TNRC6A: variants seen among roughly 807,000 people sequenced by gnomAD.
The protein encoded by TNRC6A is trinucleotide repeat-containing gene 6A protein.
Under a neutral mutation model 221.2 loss-of-function variants are expected in TNRC6A, and 44 were observed. That is an observed-to-expected ratio of 0.20 (90% CI 0.16 to 0.26). TNRC6A has a LOEUF of 0.26. Ranked by LOEUF, TNRC6A falls within the 10% of genes least tolerant of loss-of-function variation. The probability of loss-of-function intolerance (pLI) is 1.00; values close to 1 mark genes in which losing one functional copy is unlikely to be tolerated. For synonymous variants in TNRC6A, 847 were observed against 838.5 expected, an observed-to-expected ratio of 1.01 and a Z score of -0.18; for missense variants, 2,199 against 2,404.4, an observed-to-expected ratio of 0.91 and a Z score of 1.79.
rs1298229224 is a variant in TNRC6A, at chr16:24,789,552, G to A, written c.910G>A (p.Val304Met). Residue 304 changes from valine to methionine, a missense_variant, in exon 6 of 25, where the codon GTG becomes ATG. Val to Met is a conservative substitution (Grantham distance 21). Transcript: ENST00000395799. ...KFVVGSSSNNVGHGSSTGPWG... is the reference protein window; with the variant it reads ...KFVVGSSSNNMGHGSSTGPWG... Reference sequence around the variant, plus strand: ...TGTAGTTGGTAGCAGCAGCAATAATGTGGGCCATGGAAGTAGTACTGGGCC... The same window carrying A: ...TGTAGTTGGTAGCAGCAGCAATAATATGGGCCATGGAAGTAGTACTGGGCC... 1.9e-6 allele frequency: 3 copies of A among 1,614,152 alleles called. No homozygotes were observed. Among genetic ancestry groups the A allele is most frequent in the Admixed American group, 1.7e-5 (1 of 60,026 alleles).
chr16:24,804,559 T>TA, intron 12 of TNRC6A, 146 bp from the exon 13 acceptor site: 1 of 1,295,750 alleles, frequency 7.7e-7, no homozygotes, highest in Non-Finnish European at 1.1e-6. Flanking sequence ...GCTCTAGAAT[T>TA]AACACTAATC....
intron 4 of TNRC6A, among the ~76,000 whole-genome samples, chr16:24,762,330 ATT>A (rs2057381702): frequency 6.6e-6 from 1 of 152,192 alleles, no homozygotes; most frequent in Non-Finnish European, 1.5e-5. Context: ...TTCACTATCT[ATT>A]AAGTCAGCTG....
At chr16:24,775,874 C>A (rs6497755) in intron 4 of TNRC6A, among the ~76,000 whole-genome samples, 91,205 of 152,010 alleles carry the variant, frequency 0.6, 27,712 homozygotes, top group African/African-American at 0.69. Context: ...GGATACATTA[C>A]AGCATTTCAT....
intron 2 of TNRC6A, among the ~76,000 whole-genome samples, chr16:24,709,010 A>G (rs1267449174): frequency 6.6e-6 from 1 of 152,164 alleles, no homozygotes; most frequent in East Asian, 1.9e-4. Flanking sequence ...TAATCCCAGC[A>G]CTTTGGGAGG....
intron 4 of TNRC6A, among the ~76,000 whole-genome samples, chr16:24,771,809 T>C (rs1169132461): frequency 6.6e-6 from 1 of 152,176 alleles, no homozygotes; most frequent in Non-Finnish European, 1.5e-5. Context: ...GCTGTTATAC[T>C]ATAGGACCTT....
At chr16:24,711,043 T>C (rs941854706) in intron 2 of TNRC6A, among the ~76,000 whole-genome samples, 7 of 136,098 alleles carry the variant, frequency 5.1e-5, no homozygotes, top group African/African-American at 1.8e-4. Context: ...ACCGGGCAAA[T>C]TTTTTGTATT....
intron 4 of TNRC6A, among the ~76,000 whole-genome samples, chr16:24,772,529 G>T (rs2057633426): frequency 1.3e-5 from 2 of 151,746 alleles, no homozygotes; most frequent in African/African-American, 4.8e-5. Context: ...ATGTGCAGTG[G>T]CTCCCAGCAC....
intron 1 of TNRC6A, among the ~76,000 whole-genome samples, chr16:24,618,645 T>G (rs1900503267): frequency 9.7e-6 from 1 of 102,906 alleles, no homozygotes; most frequent in South Asian, 2.6e-4. Flanking sequence ...TTCATGAATT[T>G]TTTTTTTTTT....
chr16:24,780,671 T>C (rs966611618), intron 5 of TNRC6A, among the ~76,000 whole-genome samples: 4 of 152,220 alleles, frequency 2.6e-5, no homozygotes, highest in African/African-American at 9.7e-5. Flanking sequence ...GCGAGTTTTT[T>C]CTGCCATATT....
At chr16:24,740,257 TA>T (rs925577832) in intron 2 of TNRC6A, among the ~76,000 whole-genome samples, 2 of 152,028 alleles carry the variant, frequency 1.3e-5, no homozygotes, top group Admixed American at 6.6e-5. Flanking sequence ...GACTAATTAT[TA>T]AAAAAAAATT....
chr16:24,749,024 G>T (rs1390246130), intron 2 of TNRC6A, among the ~76,000 whole-genome samples: 1 of 152,042 alleles, frequency 6.6e-6, no homozygotes, highest in Non-Finnish European at 1.5e-5. Flanking sequence ...ACAGGTGCCC[G>T]CCACCACGCC....
chr16:24,803,758 A>G (rs1323687909), intron 11 of TNRC6A: 1 of 156,406 alleles, frequency 6.4e-6, no homozygotes, highest in Non-Finnish European at 1.4e-5. Context: ...AAAAATAGTC[A>G]GGTGTAGTGG....
At position 24,805,038 on chromosome 16, in the gene TNRC6A, G is replaced by A; in HGVS notation, c.4009G>A (p.Val1337Ile). The A allele has an allele frequency of 3.1e-6, 5 of 1,614,180 alleles. No homozygotes were observed. Among genetic ancestry groups the A allele is most frequent in the South Asian group, 1.1e-5 (1 of 91,086 alleles). ...GAATGGCAATCCCAGTATGTTTGGTGTTGGAAACACAGCAGCACAACCCCG... is the reference window on the plus strand; with the variant it reads ...GAATGGCAATCCCAGTATGTTTGGTATTGGAAACACAGCAGCACAACCCCG... Reference protein sequence around the residue: ...RQNGNPSMFGVGNTAAQPRGM... With the variant: ...RQNGNPSMFGIGNTAAQPRGM... Residue 1337 changes from valine (V) to isoleucine (I), a missense_variant, in exon 14 of 25, where the codon GTT (valine) becomes ATT (isoleucine). Coordinates refer to ENST00000395799, the MANE Select transcript of TNRC6A (RefSeq NM_014494.4).
In TNRC6A at chr16:24,823,339, T is replaced by A; in HGVS notation, c.5514-93T>A. On this transcript the variant is annotated intron_variant, in intron 24 of 24. Transcript: ENST00000395799. The surrounding 1 kb of genome is among the most constrained non-coding windows in gnomAD (Gnocchi z 4.3). ...TCTCCCTCTGTGCCTTCTGTGGCTTTTCTAGCAGAGACAAGTTGCACCCTC... is the reference window on the plus strand; with the variant it reads ...TCTCCCTCTGTGCCTTCTGTGGCTTATCTAGCAGAGACAAGTTGCACCCTC... 1 of 1,477,956 alleles carries A rather than the reference T, an allele frequency of 6.8e-7. No homozygotes were observed. The highest frequency in any genetic ancestry group is 9.1e-7 in the Non-Finnish European group (1 of 1,100,124). The allele number at this position is 1,477,956 out of a possible 1,614,324, so 91.6% of individuals were successfully genotyped here. A position where few individuals can be genotyped will look rare whatever the true frequency, so the allele number is the denominator to read the frequency against.
chr16:24,643,639 G>A (rs1902114944), intron 2 of TNRC6A, among the ~76,000 whole-genome samples: 1 of 152,108 alleles, frequency 6.6e-6, no homozygotes, highest in South Asian at 2.1e-4. Context: ...CTTCCCTTGA[G>A]TCAACATCTT....
chr16:24,776,658 G>A, intron 4 of TNRC6A: 5 of 985,434 alleles, frequency 5.1e-6, no homozygotes, highest in Non-Finnish European at 4.8e-6. Flanking sequence ...TGACCAGAGA[G>A]TAATGTGGTA....
At chr16:24,814,316 A>G (rs1181489020) in intron 18 of TNRC6A, among the ~76,000 whole-genome samples, 1 of 151,592 alleles carries the variant, frequency 6.6e-6, no homozygotes, top group Non-Finnish European at 1.5e-5. Flanking sequence ...TTCTATTTGC[A>G]TCCACCTCAA....
chr16:24,667,302 T>C (rs1342179497), intron 2 of TNRC6A, among the ~76,000 whole-genome samples: 1 of 152,034 alleles, frequency 6.6e-6, no homozygotes, highest in Non-Finnish European at 1.5e-5. Flanking sequence ...CTAGGACAAA[T>C]GGACTCCTCT....
At chr16:24,822,191 G>C (rs201906237) in intron 23 of TNRC6A, 44 bp downstream of exon 23, 3 of 1,594,678 alleles carry the variant, frequency 1.9e-6, no homozygotes, top group Non-Finnish European at 2.6e-6. Context: ...ACGCCAGGGA[G>C]CATGGGAACA....
Sources: gnomAD v4.1 joint callset for allele counts (sites outside exome capture counted in the v4.1 genomes callset) on GRCh38, gnomAD v4.1.1 for gene constraint, Gnocchi (gnomAD v3.1) non-coding constraint, MANE v1.5 for transcripts, NCBI Gene and HGNC (gene_info 2026-07-23, HGNC 2026-07-21) for gene names.